The following GALNT18 variants were observed in gnomAD, a reference collection of about 807,000 sequenced individuals.
The protein encoded by GALNT18 is GalNAc-transferase 18.
A neutral mutation model predicts 69.5 loss-of-function variants in GALNT18; 44 were observed. The ratio of observed to expected loss-of-function variants is 0.63; its 90% CI spans 0.50 to 0.81. GALNT18 has a LOEUF of 0.81. Ranked by LOEUF, GALNT18 falls within the 40% of genes least tolerant of loss-of-function variation. The probability of loss-of-function intolerance (pLI) is 0.00; values close to 1 mark genes in which losing one functional copy is unlikely to be tolerated. For synonymous variants in GALNT18, 364 were observed against 318.2 expected (o/e 1.14, Z -1.53); for missense variants, 715 against 810.0 (o/e 0.88, Z 1.42).
At chr11:11,290,903 C>T (rs1849285133) in intron 10 of GALNT18, among the ~76,000 whole-genome samples, 1 of 152,190 alleles carries the variant, frequency 6.6e-6, no homozygotes, top group Non-Finnish European at 1.5e-5. Context: ...GTCAGCCCCA[C>T]TCACCTCCAC....
chr11:11,274,283 GTT>G (rs1848889606), intron 10 of GALNT18, among the ~76,000 whole-genome samples: 1 of 150,578 alleles, frequency 6.6e-6, no homozygotes, highest in African/African-American at 2.5e-5. Flanking sequence ...AGCTGCAGGA[GTT>G]TTTGTTTTTG....
intron 10 of GALNT18, among the ~76,000 whole-genome samples, chr11:11,275,316 TG>T (rs1848919476): frequency 1.3e-5 from 2 of 148,678 alleles, no homozygotes; most frequent in Admixed American, 6.7e-5. Flanking sequence ...CATTTTTTCA[TG>T]TGTCTGTTGG....
intron 6 of GALNT18, among the ~76,000 whole-genome samples, chr11:11,362,343 A>T (rs1423828241): frequency 6.6e-6 from 1 of 152,190 alleles, no homozygotes; most frequent in African/African-American, 2.4e-5. Context: ...AAAACACGAA[A>T]AAAGCAGCCT....
chr11:11,289,475 G>C (rs1294075499), intron 10 of GALNT18, among the ~76,000 whole-genome samples: 1 of 152,194 alleles, frequency 6.6e-6, no homozygotes, highest in African/African-American at 2.4e-5. Context: ...GTTTAAACAG[G>C]AATCGTGTGG....
rs117488964 is a variant in GALNT18, at chr11:11,523,133, T to C, written c.236-74197A>G. The stretch of plus-strand genomic sequence containing the variant: ...GATCAATTCCATCTGAGTGAAGGTC[T>C]ACAGTGCTATTTTGAGCCAGGAGGT... On this transcript the variant is annotated intron_variant, in intron 1 of 10. Transcript: ENST00000227756. The surrounding 1 kb of genome is among the most constrained non-coding windows in gnomAD (Gnocchi z 4.3). 3.3e-4 allele frequency among the ~76,000 whole-genome samples: 50 copies of C among 152,344 alleles called. No individual in the cohort carries two copies. The East Asian group carries it at 8.3e-3, about 25-fold the overall frequency.
At chr11:11,272,827 C>G (rs75583826) in intron 10 of GALNT18, among the ~76,000 whole-genome samples, 1 of 152,108 alleles carries the variant, frequency 6.6e-6, no homozygotes, top group Admixed American at 6.5e-5. Flanking sequence ...GGGAAGTGCA[C>G]TGAGAGAGGG....
chr11:11,547,743 G>T (rs1193476006), intron 1 of GALNT18, among the ~76,000 whole-genome samples: 1 of 152,174 alleles, frequency 6.6e-6, no homozygotes, highest in African/African-American at 2.4e-5. Context: ...CAATTGGGGT[G>T]AGCAATATTA....
intron 1 of GALNT18, among the ~76,000 whole-genome samples, chr11:11,539,488 GAAAA>G (rs1286173245): frequency 6.6e-6 from 1 of 152,166 alleles, no homozygotes; most frequent in East Asian, 1.9e-4. Context: ...CCTCCTGCAG[GAAAA>G]CCACAGGCAA....
intron 10 of GALNT18, among the ~76,000 whole-genome samples, chr11:11,284,176 A>C (rs1057017413): frequency 1.6e-4 from 24 of 152,234 alleles, no homozygotes; most frequent in Non-Finnish European, 2.8e-4. Context: ...TGGAAGCCAC[A>C]GTCCATGAGT....
chr11:11,621,297 C>G lies in GALNT18; in HGVS notation c.235+62G>C. 1 of 1,433,862 alleles carries G rather than the reference C, an allele frequency of 7.0e-7. No individual in the cohort carries two copies. The highest frequency in any genetic ancestry group is 9.7e-7 in the Non-Finnish European group (1 of 1,034,976). 88.8% of individuals were successfully genotyped at this position (1,433,862 alleles called of 1,614,324 possible). Reference sequence around the variant, plus strand: ...TTGATGCGCACCAGCCCCAGCGCACCCCGCGCCGCGCGGGGCACTCCCGGG... The same window carrying G: ...TTGATGCGCACCAGCCCCAGCGCACGCCGCGCCGCGCGGGGCACTCCCGGG... On this transcript the variant is annotated intron_variant, in intron 1 of 10. Coordinates refer to ENST00000227756, the MANE Select transcript of GALNT18 (RefSeq NM_198516.3). This position sits in a 1 kb window ranked among gnomAD's most constrained non-coding sequence, Gnocchi z 9.3.
At chr11:11,551,931 G>T (rs545297500) in intron 1 of GALNT18, among the ~76,000 whole-genome samples, 4 of 152,276 alleles carry the variant, frequency 2.6e-5, no homozygotes, top group African/African-American at 9.6e-5. Flanking sequence ...CCTTCTTAAG[G>T]GTGGGGGAGA....
At chr11:11,572,469 A>C (rs74737099) in intron 1 of GALNT18, among the ~76,000 whole-genome samples, 3,605 of 152,310 alleles carry the variant, frequency 0.024, 151 homozygotes, top group African/African-American at 0.082. Context: ...ACCGAGACAG[A>C]GTTTAGGCAG....
intron 3 of GALNT18, among the ~76,000 whole-genome samples, chr11:11,381,127 G>A (rs1426822178): frequency 6.6e-6 from 1 of 152,222 alleles, no homozygotes; most frequent in Admixed American, 6.5e-5. Flanking sequence ...CATTGGCCAT[G>A]GAGCAGCATA....
chr11:11,322,873 A>C (rs1252321663), intron 9 of GALNT18, among the ~76,000 whole-genome samples: 2 of 152,196 alleles, frequency 1.3e-5, no homozygotes, highest in Non-Finnish European at 2.9e-5. Flanking sequence ...CTTAGGAACT[A>C]CTTCCTGGCT....
intron 1 of GALNT18, among the ~76,000 whole-genome samples, chr11:11,561,081 A>G (rs946760391): frequency 6.6e-6 from 1 of 152,270 alleles, no homozygotes; most frequent in African/African-American, 2.4e-5. Context: ...AACAATGAAT[A>G]ACCCAAATAC....
At position 11,503,757 on chromosome 11, in the gene GALNT18, A is replaced by T. The variant is rs559516993; in HGVS notation, c.236-54821T>A. Among the ~76,000 whole-genome samples, 4 of 152,332 alleles carry T rather than the reference A, an allele frequency of 2.6e-5. No homozygotes were observed. In the South Asian group the frequency reaches 8.3e-4, roughly 32 times the overall value. The stretch of plus-strand genomic sequence containing the variant: ...CGTTCCAACTGTATATTCAGGCATC[A>T]TCTTTTTTCCCCTTTTTGTTGACGT... On this transcript the variant is annotated intron_variant, in intron 1 of 10. Transcript: ENST00000227756.
intron 3 of GALNT18, among the ~76,000 whole-genome samples, chr11:11,424,454 C>T (rs1855081157): frequency 1.3e-5 from 2 of 152,196 alleles, no homozygotes; most frequent in African/African-American, 4.8e-5. Context: ...CCCTCTGAGA[C>T]TTAGCTGCCT....
At position 11,387,113 on chromosome 11, in the gene GALNT18, G is replaced by A. The variant is rs1423600054; in HGVS notation, c.596-7849C>T. Among the ~76,000 whole-genome samples the A allele has an allele frequency of 6.6e-6, 1 of 152,216 alleles. No individual in the cohort carries two copies. The highest frequency in any genetic ancestry group is 1.5e-5 in the Non-Finnish European group (1 of 68,036). The stretch of plus-strand genomic sequence containing the variant: ...TGGTTCCAGCCCATAACACAAGGAT[G>A]TAAATGCAGTCTGAAAACGGCTGCC... On this transcript the variant is annotated intron_variant, in intron 3 of 10. Coordinates refer to ENST00000227756, the MANE Select transcript of GALNT18 (RefSeq NM_198516.3). This position sits in a 1 kb window ranked among gnomAD's most constrained non-coding sequence, Gnocchi z 4.6.
chr11:11,385,520 C>T (rs371519518), intron 3 of GALNT18, among the ~76,000 whole-genome samples: 7 of 152,126 alleles, frequency 4.6e-5, no homozygotes, highest in Non-Finnish European at 8.8e-5. Flanking sequence ...TGGTCTCGAT[C>T]TCCTGACCTT....
Sources: gnomAD v4.1 joint callset for allele counts (sites outside exome capture counted in the v4.1 genomes callset) on GRCh38, gnomAD v4.1.1 for gene constraint, Gnocchi (gnomAD v3.1) non-coding constraint, MANE v1.5 for transcripts, NCBI Gene and HGNC (gene_info 2026-07-23, HGNC 2026-07-21) for gene names.